The following L3MBTL4 variants were observed in gnomAD, a reference collection of about 807,000 sequenced individuals.
L3MBTL4 encodes lethal(3)malignant brain tumor-like protein 4.
L3MBTL4 carries 70 observed loss-of-function variants against 84.5 expected under a neutral mutation model. That is an observed-to-expected ratio of 0.83 (90% CI 0.68 to 1.01). The LOEUF is 1.01. Ranked by LOEUF, L3MBTL4 falls within the 50% of genes least tolerant of loss-of-function variation. L3MBTL4 has a pLI of 0.00. For synonymous variants in L3MBTL4, 274 were observed against 259.8 expected, an observed-to-expected ratio of 1.05 and a Z score of -0.52; for missense variants, 715 against 754.8, an observed-to-expected ratio of 0.95 and a Z score of 0.62.
chr18:6,134,256 C>T (rs956112477), intron 14 of L3MBTL4, among the ~76,000 whole-genome samples: 2 of 152,084 alleles, frequency 1.3e-5, no homozygotes, highest in Non-Finnish European at 2.9e-5. Flanking sequence ...TGGGTCCTTC[C>T]CACAACACTC....
At chr18:6,098,803 T>G (rs563472193) in intron 14 of L3MBTL4, among the ~76,000 whole-genome samples, 1 of 152,154 alleles carries the variant, frequency 6.6e-6, no homozygotes, top group Non-Finnish European at 1.5e-5. Context: ...AAGACAAGAC[T>G]GAAGAGTCCT....
At chr18:6,039,731 C>T (rs2145699729) in intron 16 of L3MBTL4, among the ~76,000 whole-genome samples, 1 of 152,316 alleles carries the variant, frequency 6.6e-6, no homozygotes, top group East Asian at 1.9e-4. Flanking sequence ...GGGTAAGCTT[C>T]CGCCTTTCTA....
chr18:6,238,156 T>C lies in L3MBTL4; in HGVS notation c.708-116A>G, dbSNP rs1036771097. 435 of 894,392 alleles carry C rather than the reference T, an allele frequency of 4.9e-4. 2 individuals are homozygous for C. The highest frequency in any genetic ancestry group is 4.8e-4 in the Non-Finnish European group (258 of 542,982). 55.4% of individuals were successfully genotyped at this position (894,392 alleles called of 1,614,324 possible). ...ACCACAGAAAACAGTACTTCATAGC[T>C]GGAGAGAATTAGAAGGAATTTTCAG... On this transcript the variant is annotated intron_variant, in intron 9 of 18. Coordinates refer to ENST00000317931, the MANE Select transcript of L3MBTL4 (RefSeq NM_001330559.2).
At chr18:6,212,773 A>T (rs1053250469) in intron 12 of L3MBTL4, among the ~76,000 whole-genome samples, 1 of 152,244 alleles carries the variant, frequency 6.6e-6, no homozygotes, top group African/African-American at 2.4e-5. Flanking sequence ...GTATTAGAAT[A>T]TCTCTCAAAG....
At chr18:6,181,514 G>C (rs1388429440) in intron 12 of L3MBTL4, among the ~76,000 whole-genome samples, 6 of 151,908 alleles carry the variant, frequency 3.9e-5, no homozygotes, top group African/African-American at 1.5e-4. Context: ...ATTTTTAGTA[G>C]AGTGGGGGTT....
rs961900351 is a variant in L3MBTL4, at chr18:6,238,449, C to T, written c.708-409G>A. 8.5e-5 allele frequency among the ~76,000 whole-genome samples: 13 copies of T among 152,168 alleles called. No homozygotes were observed. The East Asian group carries it at 2.5e-3, about 29-fold the overall frequency. ...TCGGGAGGCTGAGGCTGGAGAATGG[C>T]GTGAACCCGGGAGGCGGAGCTCACA... On this transcript the variant is annotated intron_variant, in intron 9 of 18. Transcript: ENST00000317931.
chr18:6,167,293 T>C (rs1179850715), intron 13 of L3MBTL4, among the ~76,000 whole-genome samples: 3 of 152,036 alleles, frequency 2.0e-5, no homozygotes, highest in African/African-American at 7.2e-5. Context: ...TTCCAATCAA[T>C]AGAAAAAGAG....
At chr18:6,032,617 C>T (rs557092958) in intron 16 of L3MBTL4, among the ~76,000 whole-genome samples, 1 of 152,044 alleles carries the variant, frequency 6.6e-6, no homozygotes, top group South Asian at 2.1e-4. Flanking sequence ...GTATTAAATA[C>T]ATCCCTAATG....
At chr18:6,392,879 C>G (rs1291984287) in intron 1 of L3MBTL4, among the ~76,000 whole-genome samples, 1 of 152,030 alleles carries the variant, frequency 6.6e-6, no homozygotes, top group Non-Finnish European at 1.5e-5. Flanking sequence ...TATGAGGACA[C>G]AAAGACATAT....
chr18:6,131,885 T>C (rs1436089369), intron 14 of L3MBTL4, among the ~76,000 whole-genome samples: 2 of 152,190 alleles, frequency 1.3e-5, no homozygotes, highest in African/African-American at 2.4e-5. Context: ...GCAGGGATTA[T>C]GAATGATATC....
intron 1 of L3MBTL4, among the ~76,000 whole-genome samples, chr18:6,375,574 T>G (rs934696803): frequency 2.0e-5 from 3 of 152,094 alleles, no homozygotes; most frequent in African/African-American, 7.2e-5. Flanking sequence ...CACTCAGCAC[T>G]TTTCATCCTA....
At chr18:6,204,756 A>G (rs2045799763) in intron 12 of L3MBTL4, among the ~76,000 whole-genome samples, 1 of 152,184 alleles carries the variant, frequency 6.6e-6, no homozygotes, top group Non-Finnish European at 1.5e-5. Context: ...CTTTTACAGT[A>G]CTTGAGGGTT....
At chr18:6,082,845 T>C (rs1167121824) in intron 15 of L3MBTL4, among the ~76,000 whole-genome samples, 1 of 152,180 alleles carries the variant, frequency 6.6e-6, no homozygotes, top group Admixed American at 6.5e-5. Flanking sequence ...TAGAGAGATA[T>C]GCCAAGCCAA....
At chr18:6,067,282 T>C (rs1184496684) in intron 16 of L3MBTL4, among the ~76,000 whole-genome samples, 1 of 152,206 alleles carries the variant, frequency 6.6e-6, no homozygotes, top group East Asian at 1.9e-4. Context: ...GCCTTGGTGA[T>C]GATCTTTTTG....
intron 13 of L3MBTL4, among the ~76,000 whole-genome samples, chr18:6,150,345 G>C (rs1012537154): frequency 3.9e-5 from 6 of 152,018 alleles, no homozygotes; most frequent in African/African-American, 1.4e-4. Context: ...TAGCCTAACA[G>C]GGCCACATTA....
rs779539304 is a variant in L3MBTL4 at position 5,969,444 on chromosome 18, T to A, written c.1563A>T (p.Pro521=). Residue 521 remains proline (P), a synonymous_variant, in exon 17 of 19, where the codon CCA becomes CCT. Transcript: ENST00000317931. The stretch of plus-strand genomic sequence containing the variant: ...GGCTGGCCCGGATGTCAGCCACGCC[T>A]GGAAGCAACTTGCAGTGTTGCTCCC... ...LGREQHCKLL[P]GVADIRASQV... is the part of the protein sequence containing the mutation. 6.2e-7 allele frequency: 1 copy of A among 1,613,808 alleles called. No individual in the cohort carries two copies. Among genetic ancestry groups the A allele is most frequent in the Non-Finnish European group, 8.5e-7 (1 of 1,180,028 alleles).
In L3MBTL4 at chr18:6,398,256, G is replaced by A. The variant is rs142854486; in HGVS notation, c.-91+16545C>T. ...GGTATAGAAAACAGTCGCAATTGTG[G>A]AGGCCTCTACTTCAGATACTGAGTG... On this transcript the variant is annotated intron_variant, in intron 1 of 18. Transcript: ENST00000317931. Among the ~76,000 whole-genome samples the A allele has an allele frequency of 4.3e-3, 655 of 152,292 alleles. 5 individuals carry two copies. Among genetic ancestry groups the A allele is most frequent in the African/African-American group, 0.015 (608 of 41,556 alleles).
intron 16 of L3MBTL4, among the ~76,000 whole-genome samples, chr18:6,016,298 C>A (rs1310748244): frequency 1.3e-5 from 2 of 152,206 alleles, no homozygotes; most frequent in East Asian, 3.8e-4. Flanking sequence ...TTTCGAACTA[C>A]ATGCTGCAGA....
intron 16 of L3MBTL4, among the ~76,000 whole-genome samples, chr18:5,973,311 G>T (rs1218242630): frequency 6.6e-6 from 1 of 152,178 alleles, no homozygotes; most frequent in African/African-American, 2.4e-5. Flanking sequence ...GCCACTGCAG[G>T]GTGGACATCT....
Sources: gnomAD v4.1 joint callset for allele counts (sites outside exome capture counted in the v4.1 genomes callset) on GRCh38, gnomAD v4.1.1 for gene constraint, MANE v1.5 for transcripts, NCBI Gene and HGNC (gene_info 2026-07-23, HGNC 2026-07-21) for gene names.